Variants in SUPT3H observed in about 807,000 individuals in gnomAD.
SUPT3H encodes transcription initiation protein SPT3 homolog.
In SUPT3H, 44 loss-of-function variants were observed where a neutral mutation model predicts 44.3. The observed-to-expected ratio is 0.99, with a 90% CI of 0.78 to 1.28. The LOEUF (loss-of-function observed/expected upper bound fraction) is 1.28. Among genes scored for constraint, SUPT3H ranks in the 50% most tolerant of loss-of-function variants. The pLI is 0.00. For synonymous variants in SUPT3H, 124 were observed against 125.6 expected (o/e 0.99, Z 0.09); for missense variants, 380 against 387.1 (o/e 0.98, Z 0.15).
At chr6:45,084,952 A>T (rs1796303733) in intron 3 of SUPT3H, among the ~76,000 whole-genome samples, 5 of 151,990 alleles carry the variant, frequency 3.3e-5, no homozygotes, top group Admixed American at 2.6e-4. Context: ...AGACACTGGG[A>T]ACTATAGGAG....
chr6:44,904,063 T>C (rs556835498), intron 10 of SUPT3H, among the ~76,000 whole-genome samples: 23 of 152,258 alleles, frequency 1.5e-4, no homozygotes, highest in East Asian at 1.4e-3. Flanking sequence ...GACAAACCCA[T>C]AGCCAATATC....
At chr6:45,166,459 G>C (rs1748232) in intron 2 of SUPT3H, among the ~76,000 whole-genome samples, 132,183 of 151,708 alleles carry the variant, frequency 0.87, 57,818 homozygotes, top group African/African-American at 0.92. Context: ...GTGGCAGGTG[G>C]CTATAGTCCC....
Position 45,122,808 on chromosome 6 carries a change from G to A in SUPT3H, c.102-16802C>T, listed in dbSNP as rs183426472. Reference sequence around the variant, plus strand: ...TATCATACTGAAAACTGTGCTTGCAGACCCCATGAACAAGAATAATCATCC... The same window carrying A: ...TATCATACTGAAAACTGTGCTTGCAAACCCCATGAACAAGAATAATCATCC... On this transcript the variant is annotated intron_variant, in intron 2 of 10. Coordinates refer to ENST00000371459, the MANE Select transcript of SUPT3H (RefSeq NM_003599.4). 1.6e-3 allele frequency among the ~76,000 whole-genome samples: 238 copies of A among 152,250 alleles called. 3 individuals are homozygous for A. The highest frequency in any genetic ancestry group is 5.5e-3 in the African/African-American group (229 of 41,560).
At chr6:44,839,523 G>C (rs184397496) in intron 10 of SUPT3H, among the ~76,000 whole-genome samples, 1 of 151,848 alleles carries the variant, frequency 6.6e-6, no homozygotes, top group Non-Finnish European at 1.5e-5. Flanking sequence ...GCCCAGGCTG[G>C]TCTTGAACTC....
At chr6:44,991,939 A>T (rs1025675563) in intron 6 of SUPT3H, among the ~76,000 whole-genome samples, 1 of 152,198 alleles carries the variant, frequency 6.6e-6, no homozygotes, top group Non-Finnish European at 1.5e-5. Flanking sequence ...ATAAAGGCCA[A>T]ACTATGTAAC....
intron 3 of SUPT3H, among the ~76,000 whole-genome samples, chr6:45,080,700 T>G (rs946177878): frequency 1.3e-5 from 2 of 152,104 alleles, no homozygotes; most frequent in Non-Finnish European, 2.9e-5. Flanking sequence ...TTGTTCTCAC[T>G]TATTTATGGA....
intron 11 of SUPT3H, among the ~76,000 whole-genome samples, chr6:44,817,998 CA>C (rs1434272546): frequency 1.3e-5 from 2 of 151,970 alleles, no homozygotes; most frequent in Admixed American, 1.3e-4. Context: ...CTAAAATATG[CA>C]AAGCAATTTT....
intron 10 of SUPT3H, among the ~76,000 whole-genome samples, chr6:44,893,095 A>C (rs1182780352): frequency 1.3e-5 from 2 of 152,148 alleles, no homozygotes; most frequent in African/African-American, 4.8e-5. Context: ...ATGTTGACTC[A>C]ATTATTCATT....
intron 10 of SUPT3H, among the ~76,000 whole-genome samples, chr6:44,929,603 T>C (rs1293549163): frequency 1.3e-5 from 2 of 152,188 alleles, no homozygotes; most frequent in African/African-American, 2.4e-5. Context: ...ATGATTACTA[T>C]AAAAGCAGTC....
chr6:44,857,991 C>G (rs574837331), intron 10 of SUPT3H, among the ~76,000 whole-genome samples: 1 of 152,252 alleles, frequency 6.6e-6, no homozygotes, highest in Non-Finnish European at 1.5e-5. Flanking sequence ...GTTACTTTTT[C>G]TTGGCTAACG....
At chr6:45,121,358 G>T (rs1342801123) in intron 2 of SUPT3H, among the ~76,000 whole-genome samples, 1 of 152,138 alleles carries the variant, frequency 6.6e-6, no homozygotes, top group Non-Finnish European at 1.5e-5. Flanking sequence ...GTATGTCCTG[G>T]GGACCAGAGG....
chr6:45,176,054 A>C (rs188958503), intron 2 of SUPT3H, among the ~76,000 whole-genome samples: 1 of 152,182 alleles, frequency 6.6e-6, no homozygotes, highest in Non-Finnish European at 1.5e-5. Flanking sequence ...ATTTAAAACT[A>C]TATCTTGGGG....
chr6:45,047,020 C>G (rs1317029978), intron 3 of SUPT3H, among the ~76,000 whole-genome samples: 1 of 152,138 alleles, frequency 6.6e-6, no homozygotes. Context: ...TATAAAAATA[C>G]AATTACAATT....
At chr6:44,907,493 A>G (rs758839383) in intron 10 of SUPT3H, among the ~76,000 whole-genome samples, 5 of 152,168 alleles carry the variant, frequency 3.3e-5, no homozygotes, top group Non-Finnish European at 7.3e-5. Context: ...GCTGGCCAAC[A>G]TGGTGAGACC....
intron 6 of SUPT3H, among the ~76,000 whole-genome samples, chr6:44,976,522 T>C (rs1206672717): frequency 6.6e-6 from 1 of 151,994 alleles, no homozygotes; most frequent in Admixed American, 6.6e-5. Flanking sequence ...CAACCATGCC[T>C]GGCTAATTTT....
At chr6:45,214,503 C>A (rs979243281) in intron 2 of SUPT3H, among the ~76,000 whole-genome samples, 6 of 151,928 alleles carry the variant, frequency 3.9e-5, no homozygotes, top group African/African-American at 9.7e-5. Flanking sequence ...ATGTAAAACA[C>A]TGAAAATAAA....
chr6:45,074,654 C>T (rs796212146), intron 3 of SUPT3H, among the ~76,000 whole-genome samples: 5 of 152,030 alleles, frequency 3.3e-5, no homozygotes, highest in African/African-American at 1.2e-4. Context: ...GTAATAGAAA[C>T]CACTGGAGGA....
chr6:45,190,771 G>A lies in SUPT3H; in HGVS notation c.102-84765C>T, dbSNP rs141994392. Reference sequence around the variant, plus strand: ...AAATAAGAATCTCAAACATGGGCCCGAAGATCTGAACAGACACCTCACCCA... The same window carrying A: ...AAATAAGAATCTCAAACATGGGCCCAAAGATCTGAACAGACACCTCACCCA... On this transcript the variant is annotated intron_variant, in intron 2 of 10. Transcript: ENST00000371459. 1.5e-3 allele frequency among the ~76,000 whole-genome samples: 233 copies of A among 152,102 alleles called. 2 individuals are homozygous for A. Among genetic ancestry groups the A allele is most frequent in the African/African-American group, 5.5e-3 (227 of 41,508 alleles).
intron 2 of SUPT3H, chr6:45,322,865 A>G: frequency 1.2e-6 from 2 of 1,605,748 alleles, no homozygotes; most frequent in Non-Finnish European, 1.7e-6. Context: ...GGCACTGGAG[A>G]GCCTCTGTCT....
Sources: allele counts gnomAD v4.1 joint callset (sites outside exome capture counted in the v4.1 genomes callset), GRCh38; gene constraint gnomAD v4.1.1; transcripts MANE v1.5; gene names NCBI Gene and HGNC (gene_info 2026-07-23, HGNC 2026-07-21).